The following GSK3B variants were observed in gnomAD, a reference collection of about 807,000 sequenced individuals.
GSK3B encodes glycogen synthase kinase 3 beta.
In GSK3B, 15 loss-of-function variants were observed where a neutral mutation model predicts 56.4. That is an observed-to-expected ratio of 0.27 (90% CI 0.18 to 0.41). The LOEUF (loss-of-function observed/expected upper bound fraction) is 0.41. Ranked by LOEUF, GSK3B falls within the 10% of genes least tolerant of loss-of-function variation. GSK3B has a pLI of 1.00. For synonymous variants in GSK3B, 181 were observed against 188.9 expected (o/e 0.96, Z 0.34); for missense variants, 300 against 513.4 (o/e 0.58, Z 4.02).
chr3:119,848,752 T>C (rs771866260), intron 9 of GSK3B, among the ~76,000 whole-genome samples: 5 of 152,132 alleles, frequency 3.3e-5, no homozygotes, highest in African/African-American at 7.2e-5. Context: ...TGATATCAGA[T>C]TGTGGTAAAG....
intron 1 of GSK3B, chr3:120,029,660 C>T (rs2057958669): frequency 1.9e-6 from 1 of 534,056 alleles, no homozygotes; most frequent in Admixed American, 2.2e-5. Flanking sequence ...CAGAGAATGC[C>T]CTAAAAGCCA....
chr3:119,863,546 A>G lies in GSK3B; in HGVS notation c.969T>C (p.Tyr323=). The G allele has an allele frequency of 6.2e-7, 1 of 1,613,744 alleles. No individual in the cohort carries two copies. Among genetic ancestry groups the G allele is most frequent in the Non-Finnish European group, 8.5e-7 (1 of 1,179,620 alleles). Reference sequence around the variant, plus strand: ...GTGGTGTTAGTCGGGCAGTTGGTGTATACTCCAGCAGACGGCTACACAGTG... The same window carrying G: ...GTGGTGTTAGTCGGGCAGTTGGTGTGTACTCCAGCAGACGGCTACACAGTG... ...AIALCSRLLE[Y]TPTARLTPLE... is the part of the protein sequence containing the mutation. Residue 323 remains tyrosine, a synonymous_variant, in exon 9 of 11, where the codon TAT becomes TAC. Transcript: ENST00000264235.
At chr3:119,833,233 C>T (rs145761811) in intron 10 of GSK3B, among the ~76,000 whole-genome samples, 397 of 150,586 alleles carry the variant, frequency 2.6e-3, no homozygotes, top group African/African-American at 8.6e-3. Flanking sequence ...TCCATTTACA[C>T]CTACTGCCAA....
At chr3:120,067,897 AAAAC>A (rs1321358277) in intron 1 of GSK3B, among the ~76,000 whole-genome samples, 2 of 152,256 alleles carry the variant, frequency 1.3e-5, no homozygotes, top group Non-Finnish European at 2.9e-5. Flanking sequence ...CTTTAGTAAA[AAAAC>A]AAACCATGTT....
chr3:119,942,269 AT>A (rs564614464), intron 3 of GSK3B, among the ~76,000 whole-genome samples: 190 of 152,254 alleles, frequency 1.2e-3, no homozygotes, highest in Non-Finnish European at 1.9e-3. Context: ...AAATTTAAGG[AT>A]CTTGTGAAGA....
At chr3:120,045,527 C>A (rs1389777734) in intron 1 of GSK3B, among the ~76,000 whole-genome samples, 1 of 152,164 alleles carries the variant, frequency 6.6e-6, no homozygotes, top group African/African-American at 2.4e-5. Context: ...TCACAAGTAG[C>A]CAATCAAGTC....
In GSK3B at chr3:120,020,067, G is replaced by T. The variant is rs570086474; in HGVS notation, c.89-17828C>A. 7.9e-5 allele frequency among the ~76,000 whole-genome samples: 12 copies of T among 152,308 alleles called. No homozygotes were observed. In the South Asian group the frequency reaches 2.5e-3, roughly 32 times the overall value. ...TAAAGCTTTTCTGTATAACAAAATA[G>T]GAGGAGGAGATATGCCTAAAATATT... On this transcript the variant is annotated intron_variant, in intron 1 of 10. Transcript: ENST00000264235.
In GSK3B at chr3:119,824,973, C is replaced by T. The variant is rs1041781236; in HGVS notation, c.*1815G>A. The T allele has an allele frequency of 5.5e-6, 1 of 182,874 alleles. No individual in the cohort carries two copies. Among genetic ancestry groups the T allele is most frequent in the Non-Finnish European group, 1.2e-5 (1 of 85,894 alleles). 11.3% of individuals were successfully genotyped at this position (182,874 alleles called of 1,614,324 possible). A position where few individuals can be genotyped will look rare whatever the true frequency, so the allele number is the denominator to read the frequency against. On this transcript the variant is annotated 3_prime_UTR_variant, in exon 11 of 11. Transcript: ENST00000264235. Reference sequence around the variant, plus strand: ...CTCCACTTCCGAACCCTCTGGAGGACGAGACCCATAAAGTGACCTAAGGTG... The same window carrying T: ...CTCCACTTCCGAACCCTCTGGAGGATGAGACCCATAAAGTGACCTAAGGTG...
At chr3:120,001,306 C>A (rs1057140999) in intron 2 of GSK3B, among the ~76,000 whole-genome samples, 1 of 151,960 alleles carries the variant, frequency 6.6e-6, no homozygotes, top group Admixed American at 6.6e-5. Flanking sequence ...CTGAGACAGG[C>A]GACTTGCCTG....
chr3:119,992,806 T>C (rs1185737575), intron 2 of GSK3B, among the ~76,000 whole-genome samples: 1 of 151,836 alleles, frequency 6.6e-6, no homozygotes, highest in Non-Finnish European at 1.5e-5. Context: ...ACAAATAAAA[T>C]GGACCTTGAA....
chr3:119,933,344 A>C (rs1055613812), intron 3 of GSK3B, among the ~76,000 whole-genome samples: 1 of 152,246 alleles, frequency 6.6e-6, no homozygotes, highest in Non-Finnish European at 1.5e-5. Flanking sequence ...TCTATTGGGC[A>C]GGCAATGGGT....
intron 7 of GSK3B, among the ~76,000 whole-genome samples, chr3:119,885,360 A>T (rs1357877237): frequency 6.6e-6 from 1 of 152,172 alleles, no homozygotes; most frequent in African/African-American, 2.4e-5. Flanking sequence ...CACTGCTAAG[A>T]GAAATCACAG....
intron 1 of GSK3B, among the ~76,000 whole-genome samples, chr3:120,010,248 C>T (rs1169666895): frequency 6.6e-6 from 1 of 152,076 alleles, no homozygotes; most frequent in Non-Finnish European, 1.5e-5. Flanking sequence ...TATCATGCCC[C>T]ACCCCCCAAA....
At chr3:119,879,441 A>G (rs2056354572) in intron 7 of GSK3B, among the ~76,000 whole-genome samples, 1 of 152,270 alleles carries the variant, frequency 6.6e-6, no homozygotes, top group Admixed American at 6.5e-5. Flanking sequence ...TCAGCCTCCC[A>G]AAGTGTTGGG....
At chr3:120,092,113 G>A (rs927797793) in intron 1 of GSK3B, among the ~76,000 whole-genome samples, 1 of 152,068 alleles carries the variant, frequency 6.6e-6, no homozygotes, top group East Asian at 1.9e-4. Context: ...AAACAATATA[G>A]ATATTTTTGT....
chr3:119,854,676 A>T (rs1282736373), intron 9 of GSK3B, among the ~76,000 whole-genome samples: 2 of 152,084 alleles, frequency 1.3e-5, no homozygotes, highest in East Asian at 3.8e-4. Flanking sequence ...GAATTTATCC[A>T]TTTCTTCTAG....
chr3:120,033,638 T>C (rs149856609), intron 1 of GSK3B, among the ~76,000 whole-genome samples: 92 of 152,308 alleles, frequency 6.0e-4, no homozygotes, highest in African/African-American at 2.2e-3. Flanking sequence ...TCATCTCAAA[T>C]TGTAATCCTC....
At chr3:119,879,033 G>C (rs1414862943) in intron 7 of GSK3B, among the ~76,000 whole-genome samples, 1 of 152,090 alleles carries the variant, frequency 6.6e-6, no homozygotes, top group Non-Finnish European at 1.5e-5. Context: ...AATATGTGCA[G>C]TTTTAAAAAA....
At chr3:119,975,890 C>G (rs2057404599) in intron 2 of GSK3B, among the ~76,000 whole-genome samples, 1 of 152,112 alleles carries the variant, frequency 6.6e-6, no homozygotes, top group African/African-American at 2.4e-5. Context: ...CTGTACTTTC[C>G]ACTCACTTTT....
Sources: allele counts gnomAD v4.1 joint callset (sites outside exome capture counted in the v4.1 genomes callset), GRCh38; gene constraint gnomAD v4.1.1; transcripts MANE v1.5; gene names NCBI Gene and HGNC (gene_info 2026-07-23, HGNC 2026-07-21).